The following NRSN1 variants were observed in gnomAD, a reference collection of about 807,000 sequenced individuals.
The protein encoded by NRSN1 is neurensin 1.
Under a neutral mutation model 17.3 loss-of-function variants are expected in NRSN1, and 14 were observed. The observed-to-expected ratio is 0.81, with a 90% confidence interval of 0.54 to 1.27. The LOEUF is 1.27. Ranked by LOEUF, NRSN1 falls within the 50% of genes most tolerant of loss-of-function variation. The pLI, the probability that NRSN1 is intolerant of heterozygous loss-of-function variation, is 0.00. For missense variants in NRSN1, 209 were observed against 235.9 expected, an observed-to-expected ratio of 0.89 and a Z score of 0.75; for synonymous variants, 79 against 94.2, an observed-to-expected ratio of 0.84 and a Z score of 0.93.
intron 3 of NRSN1, among the ~76,000 whole-genome samples, chr6:24,142,990 CA>C (rs34316913): frequency 0.085 from 12,978 of 152,150 alleles, 635 homozygotes; most frequent in Middle Eastern, 0.14. Flanking sequence ...GGTGCATTTA[CA>C]AACCCTTAGC....
intron 3 of NRSN1, chr6:24,141,036 T>C (rs886768347): frequency 2.0e-6 from 3 of 1,472,942 alleles, no homozygotes; most frequent in African/African-American, 2.9e-5. Context: ...GGAGAGGCCC[T>C]TCTCTGTCGC....
At chr6:24,129,856 C>G (rs1246145668) in intron 2 of NRSN1, among the ~76,000 whole-genome samples, 1 of 152,202 alleles carries the variant, frequency 6.6e-6, no homozygotes, top group Non-Finnish European at 1.5e-5. Flanking sequence ...AAAAACAACT[C>G]TCTCTTCATA....
At chr6:24,126,379 C>G (rs1445679489) in intron 1 of NRSN1, 39 bp downstream of exon 1, 2 of 155,920 alleles carry the variant, frequency 1.3e-5, no homozygotes, top group African/African-American at 4.8e-5. Context: ...TGGCGGCTTT[C>G]TATTCTCCAA....
chr6:24,128,462 AC>A (rs1759983759), intron 2 of NRSN1, among the ~76,000 whole-genome samples: 1 of 152,258 alleles, frequency 6.6e-6, no homozygotes, highest in African/African-American at 2.4e-5. Flanking sequence ...ATATAAAGCC[AC>A]AATCTCTACC....
At chr6:24,136,563 C>T (rs1001048561) in intron 3 of NRSN1, among the ~76,000 whole-genome samples, 1 of 151,468 alleles carries the variant, frequency 6.6e-6, no homozygotes, top group Non-Finnish European at 1.5e-5. Context: ...AAAGCATTTG[C>T]CTGACAGATC....
chr6:24,146,164 T>C lies in NRSN1; in HGVS notation c.*218T>C, dbSNP rs1760300815. On this transcript the variant is annotated 3_prime_UTR_variant, in exon 4 of 4. Transcript: ENST00000378491. Reference sequence around the variant, plus strand: ...TGCACATGCATCCAGCTGCTTAAGATGGGTGCTTCCTTGTACCCGGCCACC... The same window carrying C: ...TGCACATGCATCCAGCTGCTTAAGACGGGTGCTTCCTTGTACCCGGCCACC... 3 of 710,226 alleles carry C rather than the reference T, an allele frequency of 4.2e-6. No individual in the cohort carries two copies. Among genetic ancestry groups the C allele is most frequent in the Admixed American group, 2.0e-5 (1 of 49,778 alleles). The allele number at this position is 710,226 out of a possible 1,614,324, so 44.0% of individuals were successfully genotyped here. A position where few individuals can be genotyped will look rare whatever the true frequency, so the allele number is the denominator to read the frequency against.
In NRSN1 at chr6:24,145,984, C is replaced by A; in HGVS notation, c.*38C>A. 1.3e-6 allele frequency: 2 copies of A among 1,570,398 alleles called. No homozygotes were observed. Among genetic ancestry groups the A allele is most frequent in the Non-Finnish European group, 8.6e-7 (1 of 1,158,036 alleles). ...CCCAGTTCTTCTTGTCTGATTTATG[C>A]CCGTGGTTAAAAAGAGCAGGCCAGT... On this transcript the variant is annotated 3_prime_UTR_variant, in exon 4 of 4. Coordinates refer to ENST00000378491, the MANE Select transcript of NRSN1 (RefSeq NM_080723.5). The surrounding 1 kb of genome is among the most constrained non-coding windows in gnomAD (Gnocchi z 4.4).
At chr6:24,134,161 G>A (rs980147951) in intron 2 of NRSN1, among the ~76,000 whole-genome samples, 158 bp from the exon 3 acceptor site, 15 of 152,148 alleles carry the variant, frequency 9.9e-5, no homozygotes, top group Admixed American at 7.9e-4. Context: ...ACTGCGCCCC[G>A]CCAAGAGAGA....
chr6:24,134,492 C>T lies in NRSN1; in HGVS notation c.165C>T (p.Asn55=), dbSNP rs1157048536. ...EDDFQIQRSP[N]RWSSVFWKVG... is the part of the protein sequence containing the mutation. ...ATTTCCAGATCCAAAGATCACCTAA[C>T]AGGTGGAGCTCAGTATTCTGGAAGG... is the stretch of plus-strand genomic sequence containing the variant. Residue 55 remains asparagine, a synonymous_variant, in exon 3 of 4, where the codon AAC becomes AAT. Transcript: ENST00000378491. 6.2e-7 allele frequency: 1 copy of T among 1,613,852 alleles called. No individual in the cohort carries two copies. Among genetic ancestry groups the T allele is most frequent in the African/African-American group, 1.3e-5 (1 of 74,912 alleles).
intron 3 of NRSN1, among the ~76,000 whole-genome samples, chr6:24,139,157 T>G (rs1430325607): frequency 6.6e-6 from 1 of 152,228 alleles, no homozygotes; most frequent in Non-Finnish European, 1.5e-5. Context: ...ACCTCTATGA[T>G]TTCAACTTTA....
At position 24,134,353 on chromosome 6, in the gene NRSN1, G is replaced by C; in HGVS notation, c.26G>C (p.Gly9Ala). 6.2e-7 allele frequency: 1 copy of C among 1,614,026 alleles called. No homozygotes were observed. The highest frequency in any genetic ancestry group is 1.1e-5 in the South Asian group (1 of 91,064). MSSCSNVC[G>A]SRQAQAAAEG... Reference sequence around the variant, plus strand: ...ATGAGTTCTTGCAGCAACGTCTGTGGGTCCAGGCAGGCACAGGCTGCAGCT... The same window carrying C: ...ATGAGTTCTTGCAGCAACGTCTGTGCGTCCAGGCAGGCACAGGCTGCAGCT... The change falls in exon 3 of 4, where the codon GGG becomes GCG. Residue 9 changes from glycine to alanine, a missense_variant. Gly to Ala is a moderately conservative substitution (Grantham distance 60). Coordinates refer to ENST00000378491, the MANE Select transcript of NRSN1 (RefSeq NM_080723.5).
intron 3 of NRSN1, among the ~76,000 whole-genome samples, chr6:24,136,052 A>G (rs1460563182): frequency 4.6e-5 from 7 of 152,334 alleles, no homozygotes; most frequent in Non-Finnish European, 1.0e-4. Context: ...CTCAGACTAC[A>G]TGAGCTCAAA....
At chr6:24,144,450 A>G (rs1372699062) in intron 3 of NRSN1, among the ~76,000 whole-genome samples, 1 of 152,162 alleles carries the variant, frequency 6.6e-6, no homozygotes, top group Non-Finnish European at 1.5e-5. Flanking sequence ...TTGCAATATG[A>G]GAGTGTGAAA....
chr6:24,136,746 T>A (rs1222563276), intron 3 of NRSN1, among the ~76,000 whole-genome samples: 2 of 152,220 alleles, frequency 1.3e-5, no homozygotes, highest in Non-Finnish European at 2.9e-5. Context: ...AGAATTCATA[T>A]TTCATTATTT....
At chr6:24,130,222 A>C (rs1034201745) in intron 2 of NRSN1, among the ~76,000 whole-genome samples, 2 of 152,224 alleles carry the variant, frequency 1.3e-5, no homozygotes, top group African/African-American at 4.8e-5. Flanking sequence ...TTGATCTTTA[A>C]GTAAATAATA....
rs528839182 is a variant in NRSN1 at position 24,126,684 on chromosome 6, T to C, written c.-83+344T>C. 3.9e-5 allele frequency among the ~76,000 whole-genome samples: 6 copies of C among 152,252 alleles called. No individual in the cohort carries two copies. In the South Asian group the frequency reaches 8.3e-4, roughly 21 times the overall value. ...TTTCCATAAGATAAGAAAAGTTGTGTATTAGGAAAGAGTCAAATATATGTA... is the reference window on the plus strand; with the variant it reads ...TTTCCATAAGATAAGAAAAGTTGTGCATTAGGAAAGAGTCAAATATATGTA... On this transcript the variant is annotated intron_variant, in intron 1 of 3. Coordinates refer to ENST00000378491, the MANE Select transcript of NRSN1 (RefSeq NM_080723.5).
At chr6:24,138,386 C>G (rs1295077702) in intron 3 of NRSN1, among the ~76,000 whole-genome samples, 2 of 152,076 alleles carry the variant, frequency 1.3e-5, no homozygotes, top group Non-Finnish European at 2.9e-5. Context: ...TTTTTCATAT[C>G]TTTGCCTTTG....
chr6:24,126,389 A>G (rs370846859), intron 1 of NRSN1, 49 bp downstream of exon 1: 1 of 154,732 alleles, frequency 6.5e-6, no homozygotes, highest in South Asian at 2.1e-4. Flanking sequence ...CTATTCTCCA[A>G]ATGTCTTTCT....
chr6:24,146,222 G>C lies in NRSN1; in HGVS notation c.*276G>C. The C allele has an allele frequency of 1.5e-6, 1 of 656,240 alleles. No individual in the cohort carries two copies. The allele number at this position is 656,240 out of a possible 1,614,324, so 40.7% of individuals were successfully genotyped here. On this transcript the variant is annotated 3_prime_UTR_variant, in exon 4 of 4. Coordinates refer to ENST00000378491, the MANE Select transcript of NRSN1 (RefSeq NM_080723.5). ...CCCTGGAACTCCTCTTTCATAGATC[G>C]TGACTTTGTGTTATTTTCCGTGTTG... is the stretch of plus-strand genomic sequence containing the variant.
Sources: gnomAD v4.1 joint callset for allele counts (sites outside exome capture counted in the v4.1 genomes callset) on GRCh38, gnomAD v4.1.1 for gene constraint, Gnocchi (gnomAD v3.1) non-coding constraint, MANE v1.5 for transcripts, NCBI Gene and HGNC (gene_info 2026-07-23, HGNC 2026-07-21) for gene names.